The following TTPA variants were observed in gnomAD, a reference collection of about 807,000 sequenced individuals.
TTPA encodes the protein alpha tocopherol transfer protein.
Under a neutral mutation model 25.9 loss-of-function variants are expected in TTPA, and 23 were observed. The observed-to-expected ratio is 0.89, with a 90% confidence interval of 0.64 to 1.26. The LOEUF (loss-of-function observed/expected upper bound fraction) is 1.26, where lower values mean the gene tolerates loss of function less well. Among genes scored for constraint, TTPA ranks in the 50% most tolerant of loss-of-function variants. TTPA has a pLI of 0.00. For synonymous variants in TTPA, 148 were observed against 137.3 expected (o/e 1.08, Z -0.54); for missense variants, 337 against 353.1 (o/e 0.95, Z 0.37).
chr8:63,076,437 A>C (rs570239096), intron 1 of TTPA, among the ~76,000 whole-genome samples: 118 of 152,318 alleles, frequency 7.7e-4, no homozygotes, highest in African/African-American at 2.7e-3. Context: ...AATGAAAAAA[A>C]GTTTTGCACT....
Position 63,065,719 on chromosome 8 carries a change from A to AT in TTPA, c.552+184dup, listed in dbSNP as rs542367733. 3.8e-4 allele frequency among the ~76,000 whole-genome samples: 58 copies of AT among 152,186 alleles called. No individual in the cohort carries two copies. The South Asian group carries it at 0.012, about 30-fold the overall frequency. ...ACATATTTTTGCAGTTTGTTGCAAC[A>AT]TTTTTTCTTTTATAAACTAATAACA... On this transcript the variant is annotated intron_variant, in intron 3 of 4. Coordinates refer to ENST00000260116, the MANE Select transcript of TTPA (RefSeq NM_000370.3).
Position 63,061,542 on chromosome 8 carries a change from C to T in TTPA, c.664-117G>A, listed in dbSNP as rs1805306674. Reference sequence around the variant, plus strand: ...CTAAAATGGAGTGTATAAATAGATACCACATCCTTTATTCCTCTGGTTATG... The same window carrying T: ...CTAAAATGGAGTGTATAAATAGATATCACATCCTTTATTCCTCTGGTTATG... On this transcript the variant is annotated intron_variant, in intron 4 of 4. Coordinates refer to ENST00000260116, the MANE Select transcript of TTPA (RefSeq NM_000370.3). 25 of 840,204 alleles carry T rather than the reference C, an allele frequency of 3.0e-5. 1 individual carries two copies. In the South Asian group the frequency reaches 3.4e-4, roughly 12 times the overall value. 52.0% of individuals were successfully genotyped at this position (840,204 alleles called of 1,614,324 possible).
intron 1 of TTPA, among the ~76,000 whole-genome samples, chr8:63,081,964 A>G (rs1805670888): frequency 6.6e-6 from 1 of 152,212 alleles, no homozygotes; most frequent in African/African-American, 2.4e-5. Flanking sequence ...AAGGAGAACT[A>G]CAAACCACTG....
intron 1 of TTPA, among the ~76,000 whole-genome samples, chr8:63,082,438 T>C (rs932836369): frequency 1.3e-5 from 2 of 152,180 alleles, no homozygotes; most frequent in African/African-American, 2.4e-5. Flanking sequence ...TGGCTAGCCA[T>C]ATGTAGAAAG....
At chr8:63,062,512 A>C (rs540010196) in intron 4 of TTPA, among the ~76,000 whole-genome samples, 1 of 152,288 alleles carries the variant, frequency 6.6e-6, no homozygotes, top group African/African-American at 2.4e-5. Context: ...GCCAATCTTT[A>C]ATTTTTTCTG....
At chr8:63,067,022 T>C (rs1277113746) in intron 2 of TTPA, among the ~76,000 whole-genome samples, 1 of 151,728 alleles carries the variant, frequency 6.6e-6, no homozygotes, top group Non-Finnish European at 1.5e-5. Flanking sequence ...TCAAGTCTAA[T>C]CGGGGCAACA....
chr8:63,063,096 C>G (rs538249418), intron 4 of TTPA, among the ~76,000 whole-genome samples: 9 of 152,300 alleles, frequency 5.9e-5, no homozygotes, highest in African/African-American at 2.2e-4. Context: ...AACATCGTTT[C>G]TAAAATTCCA....
At chr8:63,083,181 T>C (rs1387437136) in intron 1 of TTPA, among the ~76,000 whole-genome samples, 1 of 152,182 alleles carries the variant, frequency 6.6e-6, no homozygotes, top group African/African-American at 2.4e-5. Context: ...TAAAGACACA[T>C]GCACACGTAT....
chr8:63,085,857 G>A lies in TTPA; in HGVS notation c.165C>T (p.Phe55=), dbSNP rs1200777114. 1 of 1,536,482 alleles carries A rather than the reference G, an allele frequency of 6.5e-7. No individual in the cohort carries two copies. Among genetic ancestry groups the A allele is most frequent in the South Asian group, 1.2e-5 (1 of 83,708 alleles). Residue 55 remains phenylalanine, a synonymous_variant, in exon 1 of 5, where the codon TTC becomes TTT. Coordinates refer to ENST00000260116, the MANE Select transcript of TTPA (RefSeq NM_000370.3). ...LPLTDSFLLR[F]LRARDFDLDL... is the part of the protein sequence containing the mutation. ...CCAGATCGAAATCCCGGGCGCGCAG[G>A]AACCGCAGCAGGAAGGAGTCGGTGA... is the stretch of plus-strand genomic sequence containing the variant.
Position 63,059,570 on chromosome 8 carries a change from G to C in TTPA, c.*1682C>G. Among the ~76,000 whole-genome samples, 1 of 151,844 alleles carries C rather than the reference G, an allele frequency of 6.6e-6. No homozygotes were observed. Among genetic ancestry groups the C allele is most frequent in the Non-Finnish European group, 1.5e-5 (1 of 67,982 alleles). On this transcript the variant is annotated 3_prime_UTR_variant, in exon 5 of 5. Transcript: ENST00000260116. ...TATGATTAATGTTGAAACCTAACTA[G>C]CTGAACAAATGTTCAACAGATTTTG...
intron 1 of TTPA, 54 bp from the exon 2 acceptor site, chr8:63,073,142 T>A: frequency 7.0e-7 from 1 of 1,433,690 alleles, no homozygotes; most frequent in Non-Finnish European, 9.6e-7. Context: ...AATGATTTTG[T>A]AAAAATGGAA....
intron 1 of TTPA, among the ~76,000 whole-genome samples, chr8:63,082,551 C>G (rs1014151060): frequency 2.0e-5 from 3 of 152,152 alleles, no homozygotes; most frequent in African/African-American, 7.2e-5. Context: ...AGAAGAAAAC[C>G]TATGCAATAC....
At chr8:63,084,935 C>T (rs1805724041) in intron 1 of TTPA, among the ~76,000 whole-genome samples, 1 of 152,190 alleles carries the variant, frequency 6.6e-6, no homozygotes, top group Non-Finnish European at 1.5e-5. Flanking sequence ...TACTGAGACA[C>T]ACTGGAATTT....
At position 63,066,471 on chromosome 8, in the gene TTPA, G is replaced by A. The variant is rs531297984; in HGVS notation, c.359-374C>T. On this transcript the variant is annotated intron_variant, in intron 2 of 4. Transcript: ENST00000260116. ...TATAAAGAGTAATTAGGGCCCCATA[G>A]TAACTAAAGAGGTTGCTAAGAGAAA... 1.3e-4 allele frequency among the ~76,000 whole-genome samples: 20 copies of A among 152,294 alleles called. No homozygotes were observed. The East Asian group carries it at 3.9e-3, about 29-fold the overall frequency.
At chr8:63,068,647 G>A (rs1805435498) in intron 2 of TTPA, among the ~76,000 whole-genome samples, 1 of 152,102 alleles carries the variant, frequency 6.6e-6, no homozygotes, top group African/African-American at 2.4e-5. Flanking sequence ...GAACGAATGA[G>A]GAGTTTTTGT....
Position 63,085,900 on chromosome 8 carries a change from G to A in TTPA, c.122C>T (p.Pro41Leu). Residue 41 changes from proline (P) to leucine (L), a missense_variant, in exon 1 of 5, where the codon CCG becomes CTG. Pro to Leu is a moderately conservative substitution (Grantham distance 98). Coordinates refer to ENST00000260116, the MANE Select transcript of TTPA (RefSeq NM_000370.3). ...GTCGGTGAGCGGCAGCGGCGCGAGC[G>A]GGACGCCAGCTTCCCGGGCCCGGCG... ...LRRRAREAGV[P>L]LAPLPLTDSF... 1 of 1,529,458 alleles carries A rather than the reference G, an allele frequency of 6.5e-7. No individual in the cohort carries two copies. Among genetic ancestry groups the A allele is most frequent in the Non-Finnish European group, 8.7e-7 (1 of 1,143,578 alleles). The allele number at this position is 1,529,458 out of a possible 1,614,324, so 94.7% of individuals were successfully genotyped here.
chr8:63,072,224 A>G (rs1235298986), intron 2 of TTPA, among the ~76,000 whole-genome samples: 1 of 152,140 alleles, frequency 6.6e-6, no homozygotes, highest in Non-Finnish European at 1.5e-5. Context: ...GAAATCCACA[A>G]TCTCATGGAG....
downstream of TTPA, among the ~76,000 whole-genome samples, chr8:63,058,641 A>T (rs1023230076): frequency 6.6e-6 from 1 of 152,210 alleles, no homozygotes; most frequent in Non-Finnish European, 1.5e-5. Flanking sequence ...ATTTATAAAC[A>T]CTTCAAAGTT....
At chr8:63,083,751 T>C (rs1805700927) in intron 1 of TTPA, among the ~76,000 whole-genome samples, 1 of 152,104 alleles carries the variant, frequency 6.6e-6, no homozygotes, top group Non-Finnish European at 1.5e-5. Context: ...ATGCATATTA[T>C]AATAACAATG....
Sources: allele counts gnomAD v4.1 joint callset (sites outside exome capture counted in the v4.1 genomes callset), GRCh38; gene constraint gnomAD v4.1.1; transcripts MANE v1.5; gene names NCBI Gene and HGNC (gene_info 2026-07-23, HGNC 2026-07-21).